PSD4: variants seen among roughly 807,000 people sequenced by gnomAD.
PSD4 encodes PH and SEC7 domain-containing protein 4.
In PSD4, 59 loss-of-function variants were observed where a neutral mutation model predicts 112.5. That is an observed-to-expected ratio of 0.52 (90% CI 0.43 to 0.65). The LOEUF is 0.65. PSD4 is among the 30% of genes least tolerant of loss of function. PSD4 has a pLI of 0.00. For missense variants in PSD4, 1,267 were observed against 1,352.6 expected, an observed-to-expected ratio of 0.94 and a Z score of 0.99; for synonymous variants, 533 against 540.0, an observed-to-expected ratio of 0.99 and a Z score of 0.18.
At position 113,209,367 on chromosome 2, in the gene PSD4, TTAAAA is replaced by T. The variant is rs1353980908; in HGVS notation, c.*7962_*7966del. On this transcript the variant is annotated 3_prime_UTR_variant, in exon 17 of 17. Coordinates refer to ENST00000245796, the MANE Select transcript of PSD4 (RefSeq NM_012455.3). ...AACAAGGTGAGGAATATATTAATAT[TTAAAA>T]TAAAATAAACAAAATGTCAGTGTGT... The T allele has an allele frequency of 6.6e-6, 1 of 152,128 alleles. No individual in the cohort carries two copies. Among genetic ancestry groups the T allele is most frequent in the African/African-American group, 2.4e-5 (1 of 41,420 alleles). The allele number at this position is 152,128 out of a possible 1,614,324, so 9.4% of individuals were successfully genotyped here. A position where few individuals can be genotyped will look rare whatever the true frequency, so the allele number is the denominator to read the frequency against.
chr2:113,179,413 A>G (rs1049023879), intron 1 of PSD4, among the ~76,000 whole-genome samples: 9 of 152,338 alleles, frequency 5.9e-5, no homozygotes, highest in Non-Finnish European at 1.3e-4. Context: ...AATGAAAGGC[A>G]AGACTGTTAA....
intron 5 of PSD4, 134 bp from the exon 6 acceptor site, chr2:113,192,246 T>C (rs1305564143): frequency 1.2e-6 from 1 of 837,304 alleles, no homozygotes; most frequent in Non-Finnish European, 1.9e-6. Context: ...GCTGTGACTC[T>C]GTCTCTTCCC....
At chr2:113,193,492 C>T (rs1351929332) in intron 8 of PSD4, 100 bp from the exon 9 acceptor site, 1 of 1,497,666 alleles carries the variant, frequency 6.7e-7, no homozygotes, top group East Asian at 2.3e-5. Flanking sequence ...AGAATGGAAG[C>T]ATTCCAGGGG....
chr2:113,192,897 T>G (rs1688492249), intron 6 of PSD4, 151 bp from the exon 7 acceptor site: 1 of 747,214 alleles, frequency 1.3e-6, no homozygotes, highest in Non-Finnish European at 2.2e-6. Flanking sequence ...GGCTGCCCCC[T>G]TGCTCTGTCA....
chr2:113,182,536 C>A lies in PSD4; in HGVS notation c.80C>A (p.Pro27His), dbSNP rs1688166935. Residue 27 changes from proline (P) to histidine (H), a missense_variant, in exon 2 of 17, where the codon CCC becomes CAC. By Grantham distance (77) the Pro-to-His change is moderately conservative (BLOSUM62 -2). Transcript: ENST00000245796. ...CTGTACTTGGGAGACAGCCTGGAGC[C>A]CCACCCAGGAGAGTGCCCAAGGGAA... Reference protein sequence around the residue: ...LNLYLGDSLEPHPGECPRETC... With the variant: ...LNLYLGDSLEHHPGECPRETC... 1 of 1,614,062 alleles carries A rather than the reference C, an allele frequency of 6.2e-7. No individual in the cohort carries two copies. The highest frequency in any genetic ancestry group is 1.3e-5 in the African/African-American group (1 of 74,930).
rs58737733 is a variant in PSD4 at position 113,189,271 on chromosome 2, C to CAT, written c.1628+3029_1628+3030dup. ...TTTTTATGGCTAAGTAGTATTGAAT[C>CAT]ATATATATATATATTCAATAATATA... On this transcript the variant is annotated intron_variant, in intron 5 of 16. Coordinates refer to ENST00000245796, the MANE Select transcript of PSD4 (RefSeq NM_012455.3). 4.6e-3 allele frequency among the ~76,000 whole-genome samples: 693 copies of CAT among 149,494 alleles called. 5 individuals are homozygous for CAT. The highest frequency in any genetic ancestry group is 0.016 in the African/African-American group (652 of 40,688).
intron 5 of PSD4, among the ~76,000 whole-genome samples, chr2:113,190,259 G>A (rs1275985085): frequency 6.6e-6 from 1 of 152,050 alleles, no homozygotes; most frequent in African/African-American, 2.4e-5. Flanking sequence ...AACACCATTT[G>A]TTGAAAAAGT....
At chr2:113,201,107 C>T (rs1688763809) in intron 16 of PSD4, 51 bp from the exon 17 acceptor site, 2 of 1,556,996 alleles carry the variant, frequency 1.3e-6, no homozygotes, top group East Asian at 2.3e-5. Flanking sequence ...CTAGCCTCCT[C>T]CCAACCTGGA....
In PSD4 at chr2:113,182,996, C is replaced by G; in HGVS notation, c.540C>G (p.Leu180=). The change falls in exon 2 of 17, where the codon CTC becomes CTG. Residue 180 remains leucine (L), a synonymous_variant. Transcript: ENST00000245796. ...AGGAGCTGGAGAAGACGGAAGGGCT[C>G]AAGGCTGGGCTGAAATGCTGTCTCC... is the stretch of plus-strand genomic sequence containing the variant. ...LEEELEKTEG[L]KAGLKCCLPT... 6.2e-7 allele frequency: 1 copy of G among 1,614,120 alleles called. No homozygotes were observed. The highest frequency in any genetic ancestry group is 8.5e-7 in the Non-Finnish European group (1 of 1,180,004).
chr2:113,191,669 C>T (rs1442232711), intron 5 of PSD4, among the ~76,000 whole-genome samples: 3 of 152,246 alleles, frequency 2.0e-5, no homozygotes, highest in Non-Finnish European at 2.9e-5. Flanking sequence ...GAATACCCCA[C>T]ACTTGATTGT....
rs150568530 is a variant in PSD4 at position 113,183,428 on chromosome 2, C to A, written c.972C>A (p.Ile324=). Residue 324 remains isoleucine (I), a synonymous_variant, in exon 2 of 17, where the codon ATC becomes ATA. Coordinates refer to ENST00000245796, the MANE Select transcript of PSD4 (RefSeq NM_012455.3). ...GHCTPPFPVP[I]YKPHSICWAS... is the part of the protein sequence containing the mutation. ...GTACCCCTCCATTCCCTGTGCCCAT[C>A]TATAAACCACACTCCATCTGCTGGG... 241 of 1,579,774 alleles carry A rather than the reference C, an allele frequency of 1.5e-4. 1 individual carries two copies. The highest frequency in any genetic ancestry group is 2.0e-4 in the Non-Finnish European group (229 of 1,165,066).
At position 113,193,626 on chromosome 2, in the gene PSD4, G is replaced by A; in HGVS notation, c.2067G>A (p.Leu689=). Residue 689 remains leucine, a synonymous_variant, in exon 9 of 17, where the codon CTG becomes CTA. Coordinates refer to ENST00000245796, the MANE Select transcript of PSD4 (RefSeq NM_012455.3). The part of the protein sequence containing the change: ...SVHTLTCAIM[L]LNTDLHGQNI... ...ACACCTTGACATGTGCAATCATGCT[G>A]CTTAACACGGACCTGCATGGACAGG... 1 of 1,613,892 alleles carries A rather than the reference G, an allele frequency of 6.2e-7. No individual in the cohort carries two copies. The highest frequency in any genetic ancestry group is 1.1e-5 in the South Asian group (1 of 91,078).
At chr2:113,195,914 G>T (rs1688595350) in intron 11 of PSD4, 144 bp downstream of exon 11, 1 of 1,251,276 alleles carries the variant, frequency 8.0e-7, no homozygotes, top group Admixed American at 2.1e-5. Context: ...AGGGCTCTGG[G>T]GAGAGAGCAT....
intron 9 of PSD4, 94 bp downstream of exon 9, chr2:113,193,744 C>T (rs1688522567): frequency 6.4e-7 from 1 of 1,552,892 alleles, no homozygotes; most frequent in South Asian, 1.1e-5. Context: ...GCAGGGAACA[C>T]CCCTGAGGGA....
rs1218495636 is a variant in PSD4 at position 113,193,660 on chromosome 2, T to G, written c.2091+10T>G. ...GGACCTGCATGGACAGGTAAGACGGTGGAGAGAGTCCCTGTGGGAACTGAG... is the reference window on the plus strand; with the variant it reads ...GGACCTGCATGGACAGGTAAGACGGGGGAGAGAGTCCCTGTGGGAACTGAG... On this transcript the variant is annotated intron_variant, in intron 9 of 16. Transcript: ENST00000245796. The G allele has an allele frequency of 6.2e-7, 1 of 1,611,222 alleles. No individual in the cohort carries two copies. Among genetic ancestry groups the G allele is most frequent in the Non-Finnish European group, 8.5e-7 (1 of 1,177,650 alleles).
rs1688903448 is a variant in PSD4 at position 113,208,935 on chromosome 2, T to G, written c.*7520T>G. On this transcript the variant is annotated 3_prime_UTR_variant, in exon 17 of 17. Coordinates refer to ENST00000245796, the MANE Select transcript of PSD4 (RefSeq NM_012455.3). ...CAAGGGAGTGTGGATTTCAGTGCTC[T>G]CACTGAGCAGAGGCTGAGGGTGACC... 6.6e-6 allele frequency: 1 copy of G among 152,214 alleles called. No homozygotes were observed. The highest frequency in any genetic ancestry group is 2.1e-4 in the South Asian group (1 of 4,834). 9.4% of individuals were successfully genotyped at this position (152,214 alleles called of 1,614,324 possible).
intron 15 of PSD4, 88 bp downstream of exon 15, chr2:113,198,972 G>A: frequency 2.6e-6 from 4 of 1,530,082 alleles, no homozygotes; most frequent in South Asian, 1.2e-5. Context: ...CTGGAGGCGG[G>A]CTGCGCACTT....
intron 15 of PSD4, 80 bp from the exon 16 acceptor site, chr2:113,199,003 C>G (rs759845861): frequency 9.2e-6 from 14 of 1,514,438 alleles, no homozygotes; most frequent in Non-Finnish European, 1.2e-5. Flanking sequence ...CCGAGGCGGC[C>G]AGGGGGGCGG....
At chr2:113,179,388 G>A (rs1453453473) in intron 1 of PSD4, among the ~76,000 whole-genome samples, 1 of 152,174 alleles carries the variant, frequency 6.6e-6, no homozygotes, top group Non-Finnish European at 1.5e-5. Context: ...GTGAAGGCTG[G>A]ATCCATAGGA....
Sources: gnomAD v4.1 joint callset for allele counts (sites outside exome capture counted in the v4.1 genomes callset) on GRCh38, gnomAD v4.1.1 for gene constraint, MANE v1.5 for transcripts, NCBI Gene and HGNC (gene_info 2026-07-23, HGNC 2026-07-21) for gene names.